The following KCNK2 variants were observed in gnomAD, a reference collection of about 807,000 sequenced individuals.
KCNK2 encodes the protein potassium two pore domain channel subfamily K member 2.
KCNK2 carries 21 observed loss-of-function variants against 40.5 expected under a neutral mutation model. The ratio of observed to expected loss-of-function variants is 0.52; its 90% CI spans 0.37 to 0.75. The LOEUF (loss-of-function observed/expected upper bound fraction) is 0.75. KCNK2 is among the 30% of genes least tolerant of loss of function. The probability of loss-of-function intolerance (pLI) is 0.00; values close to 1 mark genes in which losing one functional copy is unlikely to be tolerated. For synonymous variants in KCNK2, 191 were observed against 202.2 expected (o/e 0.94, Z 0.47); for missense variants, 399 against 531.6 (o/e 0.75, Z 2.45).
At chr1:215,115,430 TA>T (rs1348968344) in intron 2 of KCNK2, among the ~76,000 whole-genome samples, 12 of 152,152 alleles carry the variant, frequency 7.9e-5, no homozygotes, top group African/African-American at 2.7e-4. Context: ...CTCATCAGTT[TA>T]GAAATTCAGG....
At chr1:215,215,490 C>T (rs1471109205) in intron 6 of KCNK2, among the ~76,000 whole-genome samples, 2 of 151,988 alleles carry the variant, frequency 1.3e-5, no homozygotes, top group Non-Finnish European at 2.9e-5. Context: ...GAAAGTTTGC[C>T]TGAGGTGACT....
intron 6 of KCNK2, among the ~76,000 whole-genome samples, chr1:215,224,001 T>A (rs1215074107): frequency 1.3e-5 from 2 of 152,168 alleles, no homozygotes; most frequent in African/African-American, 4.8e-5. Flanking sequence ...GTGAAACAGA[T>A]AATTAAGCTA....
chr1:215,141,353 A>C (rs1216549869), intron 3 of KCNK2, among the ~76,000 whole-genome samples: 1 of 152,138 alleles, frequency 6.6e-6, no homozygotes. Context: ...TGAGAAGTGC[A>C]GTAGATTTTC....
intron 1 of KCNK2, chr1:215,005,960 G>A: frequency 1.2e-6 from 2 of 1,611,154 alleles, no homozygotes; most frequent in Non-Finnish European, 1.7e-6. Flanking sequence ...TCTACTGTGA[G>A]TATCTTTGCA....
chr1:215,021,573 T>TTTTTG (rs1553255768), intron 1 of KCNK2, among the ~76,000 whole-genome samples: 22 of 123,688 alleles, frequency 1.8e-4, no homozygotes, highest in Middle Eastern at 6.0e-3. Context: ...TGAGACGGAA[T>TTTTTG]CTCGCTCTGT....
intron 1 of KCNK2, among the ~76,000 whole-genome samples, chr1:215,077,505 T>C (rs1285728697): frequency 6.6e-6 from 1 of 152,160 alleles, no homozygotes; most frequent in East Asian, 1.9e-4. Context: ...ACATTCTTTG[T>C]TCACCTTCTA....
chr1:215,067,743 G>T (rs2102512908), intron 1 of KCNK2, among the ~76,000 whole-genome samples: 1 of 152,194 alleles, frequency 6.6e-6, no homozygotes, highest in South Asian at 2.1e-4. Context: ...GTGGGTGCCT[G>T]TAATCCCAGC....
At chr1:215,016,706 GAACC>G (rs1219292881) in intron 1 of KCNK2, among the ~76,000 whole-genome samples, 1 of 152,098 alleles carries the variant, frequency 6.6e-6, no homozygotes, top group African/African-American at 2.4e-5. Context: ...TTTTGTATAT[GAACC>G]CCAAAGCACA....
intron 6 of KCNK2, among the ~76,000 whole-genome samples, chr1:215,221,352 C>T (rs1329105194): frequency 6.6e-6 from 1 of 151,900 alleles, no homozygotes; most frequent in African/African-American, 2.4e-5. Flanking sequence ...CCAGCCTGGG[C>T]AACAGAGTGA....
At chr1:215,154,427 G>T (rs574398769) in intron 3 of KCNK2, among the ~76,000 whole-genome samples, 8 of 149,198 alleles carry the variant, frequency 5.4e-5, no homozygotes, top group East Asian at 2.0e-4. Flanking sequence ...TTTTTGATGG[G>T]TTTTTTTTTT....
At chr1:215,116,548 C>A (rs1266292260) in intron 2 of KCNK2, among the ~76,000 whole-genome samples, 1 of 151,968 alleles carries the variant, frequency 6.6e-6, no homozygotes, top group Non-Finnish European at 1.5e-5. Flanking sequence ...TAAATTTACA[C>A]TTTCAAAAGA....
chr1:215,019,293 G>A (rs954446067), intron 1 of KCNK2, among the ~76,000 whole-genome samples: 6 of 152,156 alleles, frequency 3.9e-5, no homozygotes, highest in Non-Finnish European at 7.3e-5. Context: ...TGATGCAAAC[G>A]ATAGAACTTC....
intron 1 of KCNK2, among the ~76,000 whole-genome samples, chr1:215,071,109 C>G (rs568051329): frequency 1.3e-4 from 20 of 152,298 alleles, no homozygotes; most frequent in African/African-American, 4.1e-4. Flanking sequence ...TAGCAGAATT[C>G]TGAACTAGTG....
chr1:215,013,367 A>G (rs1656475535), intron 1 of KCNK2, among the ~76,000 whole-genome samples: 1 of 152,168 alleles, frequency 6.6e-6, no homozygotes, highest in South Asian at 2.1e-4. Context: ...CATGAAGTCA[A>G]GTAGTGTGAA....
At chr1:215,171,959 T>C in intron 4 of KCNK2, 38 bp from the exon 5 acceptor site, 2 of 1,154,954 alleles carry the variant, frequency 1.7e-6, no homozygotes, top group Non-Finnish European at 2.4e-6. Flanking sequence ...TTTATATACA[T>C]ATATATATAT....
At chr1:215,093,848 T>C (rs1201827521) in intron 2 of KCNK2, among the ~76,000 whole-genome samples, 1 of 84,356 alleles carries the variant, frequency 1.2e-5, no homozygotes, top group Non-Finnish European at 2.1e-5. Flanking sequence ...TATTATATAT[T>C]ATATATTATA....
chr1:215,086,635 A>G lies in KCNK2; in HGVS notation c.314A>G (p.Gln105Arg). Residue 105 changes from glutamine (Q) to arginine (R), a missense_variant, in exon 2 of 7, where the codon CAA (glutamine) becomes CGA (arginine). Physicochemically the swap from Gln to Arg is conservative, Grantham distance 43 (BLOSUM62 1). This residue lies in a region of KCNK2 where 279 missense variants were observed against 353.8 expected (regional missense o/e 0.79). Transcript: ENST00000444842. ...IVIQKQTFIS[Q>R]HSCVNSTELD... is the part of the protein sequence containing the mutation. ...ATCCAGAAGCAAACATTCATATCCC[A>G]ACATTCCTGTGTCAATTCGACGGAG... 1.2e-6 allele frequency: 2 copies of G among 1,614,142 alleles called. No individual in the cohort carries two copies. The highest frequency in any genetic ancestry group is 1.7e-6 in the Non-Finnish European group (2 of 1,180,002).
At chr1:215,044,831 G>GCGCA (rs1157750651) in intron 1 of KCNK2, among the ~76,000 whole-genome samples, 8 of 88,300 alleles carry the variant, frequency 9.1e-5, no homozygotes, top group African/African-American at 1.8e-4. Context: ...GTGTGTGCGC[G>GCGCA]CGCACACGTG....
rs1340390520 is a variant in KCNK2, at chr1:215,072,324, C to A, written c.35-14044C>A. 8.9e-4 allele frequency among the ~76,000 whole-genome samples: 135 copies of A among 152,250 alleles called. 1 individual carries two copies. The highest frequency in any genetic ancestry group is 4.4e-5 in the Non-Finnish European group (3 of 68,018). On this transcript the variant is annotated intron_variant, in intron 1 of 6. Coordinates refer to the KCNK2 transcript ENST00000391895. ...GGCTGGGAAGGACTCACAATCATGG[C>A]TGAAGGTGAATGAGAAGCAAGTTAT... is the stretch of plus-strand genomic sequence containing the variant.
Sources: allele counts gnomAD v4.1 joint callset (sites outside exome capture counted in the v4.1 genomes callset), GRCh38; gene constraint gnomAD v4.1.1; regional missense constraint gnomAD v4.1.1; transcripts MANE v1.5; gene names NCBI Gene and HGNC (gene_info 2026-07-23, HGNC 2026-07-21).